The following FMR1NB variants were observed in gnomAD, a reference collection of about 807,000 sequenced individuals.
The protein encoded by FMR1NB is FMR1 neighbor, also known as FMR1 neighbor protein.
A neutral mutation model predicts 16.8 loss-of-function variants in FMR1NB; 10 were observed. The ratio of observed to expected loss-of-function variants is 0.60; its 90% CI spans 0.37 to 1.01. The LOEUF (loss-of-function observed/expected upper bound fraction) is 1.01. Ranked by LOEUF, FMR1NB falls within the 50% of genes least tolerant of loss-of-function variation. The pLI, the probability that FMR1NB is intolerant of heterozygous loss-of-function variation, is 0.01. For missense variants in FMR1NB, 205 were observed against 204.8 expected (o/e 1.00, Z 0.00); for synonymous variants, 83 against 79.1 (o/e 1.05, Z -0.26).
At chrX:148,006,591 A>T in intron 2 of FMR1NB, 111 bp from the exon 3 acceptor site, 1 of 805,849 alleles carries the variant, frequency 1.2e-6, no homozygotes, top group Non-Finnish European at 1.8e-6. Context: ...CATTAGCTGT[A>T]TATGCCATTA....
rs1426504220 is a variant in FMR1NB at position 147,995,111 on chromosome X, G to GGAGA, written c.278-8088_278-8085dup. Among the ~76,000 whole-genome samples, 4 of 111,964 alleles carry GGAGA rather than the reference G, an allele frequency of 3.6e-5. No individual in the cohort carries two copies. In the Admixed American group the frequency reaches 3.8e-4, roughly 11 times the overall value. On this transcript the variant is annotated intron_variant, in intron 1 of 5. Transcript: ENST00000370467. Reference sequence around the variant, plus strand: ...AAGACTATTTCAACCTGCAAGCCAAGGAGAGGCGTTTCCTCACAATCCTCA... The same window carrying GGAGA: ...AAGACTATTTCAACCTGCAAGCCAAGGAGAGAGAGGCGTTTCCTCACAATCCTCA...
intron 4 of FMR1NB, among the ~76,000 whole-genome samples, chrX:148,012,018 G>T (rs1402177098): frequency 9.0e-6 from 1 of 111,624 alleles, no homozygotes; most frequent in Non-Finnish European, 1.9e-5. Flanking sequence ...AATTTATTGT[G>T]TCCTTAAGGT....
intron 4 of FMR1NB, among the ~76,000 whole-genome samples, chrX:148,019,794 G>T (rs1199619843): frequency 1.8e-5 from 2 of 111,670 alleles, no homozygotes; most frequent in African/African-American, 6.5e-5. Context: ...CTGGAGCTTT[G>T]GGGTGAGGTG....
intron 2 of FMR1NB, among the ~76,000 whole-genome samples, chrX:148,003,952 T>TG (rs1188532051): frequency 8.9e-6 from 1 of 112,244 alleles, no homozygotes. Flanking sequence ...AAAGCTCTTA[T>TG]GAAAAATCAT....
intron 3 of FMR1NB, 108 bp downstream of exon 3, chrX:148,006,950 C>T (rs1273367254): frequency 9.1e-6 from 8 of 875,938 alleles, no homozygotes; most frequent in Middle Eastern, 3.9e-4. Context: ...AAATGGGACT[C>T]CCAGTCCTAG....
At chrX:148,002,253 C>T (rs1557188712) in intron 1 of FMR1NB, among the ~76,000 whole-genome samples, 2 of 111,379 alleles carry the variant, frequency 1.8e-5, no homozygotes, top group East Asian at 2.8e-4. Context: ...TATGTAAGCT[C>T]ACTGATTATG....
chrX:147,996,599 G>A (rs940317623), intron 1 of FMR1NB, among the ~76,000 whole-genome samples: 2 of 110,400 alleles, frequency 1.8e-5, no homozygotes, highest in Non-Finnish European at 3.8e-5. Context: ...TGGGGGGGGC[G>A]GGGGCAACAT....
chrX:147,996,261 T>C (rs1557188148), intron 1 of FMR1NB, among the ~76,000 whole-genome samples: 1 of 111,897 alleles, frequency 8.9e-6, no homozygotes, highest in East Asian at 2.8e-4. Flanking sequence ...TAACAAACTG[T>C]TTTGCATTGT....
rs193299229 is a variant in FMR1NB at position 148,026,308 on chromosome X, T to G, written c.*14-194T>G. ...ATTATCTCTGTAATGATATTTGCTC[T>G]AATCTGTTTTATATGTATGCCTCAC... On this transcript the variant is annotated intron_variant, in intron 5 of 5. Transcript: ENST00000370467. Among the ~76,000 whole-genome samples, 43 of 111,876 alleles carry G rather than the reference T, an allele frequency of 3.8e-4. No homozygotes were observed. The East Asian group carries it at 0.012, about 30-fold the overall frequency.
chrX:148,003,081 A>G (rs1557188765), intron 1 of FMR1NB, 120 bp from the exon 2 acceptor site: 1 of 739,164 alleles, frequency 1.4e-6, no homozygotes, highest in Non-Finnish European at 2.0e-6. Context: ...AGATGAAAGT[A>G]TATCTGTTAG....
intron 1 of FMR1NB, among the ~76,000 whole-genome samples, chrX:147,999,273 C>CCAACACTTACTTCAGA (rs1177813697): frequency 9.0e-6 from 1 of 111,694 alleles, no homozygotes; most frequent in Non-Finnish European, 1.9e-5. Flanking sequence ...CTACTGTCAG[C>CCAACACTTACTTCAGA]CAACACTTAC....
intron 1 of FMR1NB, among the ~76,000 whole-genome samples, chrX:147,988,705 T>C (rs1557187322): frequency 2.7e-5 from 3 of 111,740 alleles, no homozygotes; most frequent in Admixed American, 1.9e-4. Context: ...TTTTCATTCC[T>C]TTTCAATCTT....
intron 1 of FMR1NB, among the ~76,000 whole-genome samples, chrX:147,984,374 T>C (rs2044466108): frequency 8.9e-6 from 1 of 112,594 alleles, no homozygotes; most frequent in Admixed American, 9.4e-5. Context: ...TTTATTAATG[T>C]CTTCTTTAAT....
At chrX:148,020,373 C>G (rs1184299072) in intron 4 of FMR1NB, among the ~76,000 whole-genome samples, 1 of 111,981 alleles carries the variant, frequency 8.9e-6, no homozygotes, top group African/African-American at 3.3e-5. Context: ...CACTAAAAGC[C>G]CACTTGGTGC....
intron 1 of FMR1NB, among the ~76,000 whole-genome samples, chrX:147,998,903 G>T (rs2044556680): frequency 8.9e-6 from 1 of 112,033 alleles, no homozygotes; most frequent in Admixed American, 9.5e-5. Context: ...TTATGGTTGA[G>T]ACTGCCACTG....
At chrX:148,025,091 G>A (rs1189285766) in intron 5 of FMR1NB, 78 bp downstream of exon 5, 1 of 1,059,829 alleles carries the variant, frequency 9.4e-7, no homozygotes, top group Non-Finnish European at 1.3e-6. Flanking sequence ...CATCATCTTG[G>A]CTTGACTGAC....
chrX:147,996,117 G>A (rs1603075494), intron 1 of FMR1NB, among the ~76,000 whole-genome samples: 1 of 111,606 alleles, frequency 9.0e-6, no homozygotes, highest in Non-Finnish European at 1.9e-5. Flanking sequence ...AAAGGGAACT[G>A]TACCATAGTT....
At chrX:147,992,701 G>A (rs1220735487) in intron 1 of FMR1NB, among the ~76,000 whole-genome samples, 2 of 57,078 alleles carry the variant, frequency 3.5e-5, no homozygotes, top group African/African-American at 9.7e-5. Flanking sequence ...CTTCTCAGAC[G>A]GGGCGGCCGG....
chrX:148,017,212 T>C (rs2044654148), intron 4 of FMR1NB, among the ~76,000 whole-genome samples: 1 of 111,213 alleles, frequency 9.0e-6, no homozygotes, highest in Non-Finnish European at 1.9e-5. Flanking sequence ...GGCCATAAGG[T>C]TTCTGCTGGT....
Sources: gnomAD v4.1 joint callset for allele counts (sites outside exome capture counted in the v4.1 genomes callset) on GRCh38, gnomAD v4.1.1 for gene constraint, MANE v1.5 for transcripts, NCBI Gene and HGNC (gene_info 2026-07-23, HGNC 2026-07-21) for gene names.